Variants in PDZD2 observed in about 807,000 individuals in gnomAD.
PDZD2 encodes the protein PDZ domain containing 2.
A neutral mutation model predicts 220.7 loss-of-function variants in PDZD2; 90 were observed. The observed-to-expected ratio is 0.41, with a 90% CI of 0.34 to 0.49. PDZD2 has a LOEUF of 0.49. Among genes scored for constraint, PDZD2 ranks in the 20% least tolerant of loss-of-function variants. The probability of loss-of-function intolerance (pLI) is 0.28; values close to 1 mark genes in which losing one functional copy is unlikely to be tolerated. For synonymous variants in PDZD2, 1,375 were observed against 1,450.5 expected, an observed-to-expected ratio of 0.95 and a Z score of 1.18; for missense variants, 3,174 against 3,608.5, an observed-to-expected ratio of 0.88 and a Z score of 3.08.
intron 18 of PDZD2, among the ~76,000 whole-genome samples, chr5:32,075,102 G>A (rs151863): frequency 1.3e-5 from 2 of 152,136 alleles, no homozygotes; most frequent in South Asian, 2.1e-4. Flanking sequence ...GTGAGCCACC[G>A]CACCCAGCCT....
chr5:32,006,907 CTTTTTTTTTTTTTT>C (rs1173189592), intron 5 of PDZD2, among the ~76,000 whole-genome samples: 2 of 47,844 alleles, frequency 4.2e-5, no homozygotes, highest in East Asian at 7.9e-4. Context: ...CCATGCTGGT[CTTTTTTTTTTTTTT>C]TTTTTTTTTT....
chr5:32,039,491 A>G (rs2112235247), intron 7 of PDZD2, among the ~76,000 whole-genome samples: 1 of 152,262 alleles, frequency 6.6e-6, no homozygotes, highest in South Asian at 2.1e-4. Flanking sequence ...TTGGCCTCCC[A>G]AAGTGCTAAG....
At chr5:31,956,244 T>C (rs1747669382) in intron 2 of PDZD2, among the ~76,000 whole-genome samples, 1 of 152,196 alleles carries the variant, frequency 6.6e-6, no homozygotes, top group African/African-American at 2.4e-5. Flanking sequence ...CTGCTGCTTA[T>C]TTCTTTCTTC....
At chr5:31,662,851 T>G (rs144951341) in intron 1 of PDZD2, among the ~76,000 whole-genome samples, 6 of 152,252 alleles carry the variant, frequency 3.9e-5, no homozygotes, top group South Asian at 4.2e-4. Context: ...AGGATGGTCT[T>G]GATCTCCTGA....
At chr5:32,038,183 A>T (rs1165309971) in intron 7 of PDZD2, among the ~76,000 whole-genome samples, 18 of 9,760 alleles carry the variant, frequency 1.8e-3, no homozygotes, top group Middle Eastern at 0.071. Context: ...TTCCTCCATT[A>T]AAAAAAAAAA....
chr5:31,911,877 A>G (rs1361317839), intron 2 of PDZD2, among the ~76,000 whole-genome samples: 1 of 152,078 alleles, frequency 6.6e-6, no homozygotes, highest in African/African-American at 2.4e-5. Context: ...CGCCTCTGTC[A>G]CTCACACTGC....
rs1340513262 is a variant in PDZD2 at position 32,110,261 on chromosome 5, GCAAGTCTTTTTAATCCT to G, written c.*2129_*2145del. 1 of 152,760 alleles carries G rather than the reference GCAAGTCTTTTTAATCCT, an allele frequency of 6.5e-6. No individual in the cohort carries two copies. The highest frequency in any genetic ancestry group is 2.4e-5 in the African/African-American group (1 of 41,578). 9.5% of individuals were successfully genotyped at this position (152,760 alleles called of 1,614,324 possible). On this transcript the variant is annotated 3_prime_UTR_variant, in exon 25 of 25. Transcript: ENST00000438447. The stretch of plus-strand genomic sequence containing the variant: ...GGAGCAAATGGAATGGTCTCCTTCC[GCAAGTCTTTTTAATCCT>G]CATATCTGGAGTACAAGGGTAGACC...
rs1169923748 is a variant in PDZD2 at position 32,000,356 on chromosome 5, A to C, written c.1254+85A>C. The C allele has an allele frequency of 7.1e-7, 1 of 1,402,934 alleles. No individual in the cohort carries two copies. Among genetic ancestry groups the C allele is most frequent in the East Asian group, 2.3e-5 (1 of 43,790 alleles). 86.9% of individuals were successfully genotyped at this position (1,402,934 alleles called of 1,614,324 possible). ...CCCACCTCCCATGCCACACACACAC[A>C]CAAAGACATGTGTGCACTTGTACGT... On this transcript the variant is annotated intron_variant, in intron 5 of 24. Coordinates refer to ENST00000438447, the MANE Select transcript of PDZD2 (RefSeq NM_178140.4). The surrounding 1 kb of genome is among the most constrained non-coding windows in gnomAD (Gnocchi z 4.5).
At chr5:31,990,395 A>T (rs1305584737) in intron 3 of PDZD2, among the ~76,000 whole-genome samples, 1 of 152,230 alleles carries the variant, frequency 6.6e-6, no homozygotes. Flanking sequence ...AGTCCATAGC[A>T]TCCAGTTTTT....
At chr5:31,917,210 G>GA (rs1180350059) in intron 2 of PDZD2, among the ~76,000 whole-genome samples, 1 of 152,204 alleles carries the variant, frequency 6.6e-6, no homozygotes, top group Non-Finnish European at 1.5e-5. Flanking sequence ...ACTTGTCAGA[G>GA]AATATTGTAA....
rs1263612374 is a variant in PDZD2, at chr5:32,087,549, C to T, written c.4101C>T (p.Ile1367=). The T allele has an allele frequency of 6.2e-7, 1 of 1,613,782 alleles. No homozygotes were observed. Among genetic ancestry groups the T allele is most frequent in the Admixed American group, 1.7e-5 (1 of 59,974 alleles). The change falls in exon 20 of 25, where the codon ATC becomes ATT. Residue 1367 remains isoleucine, a synonymous_variant. Coordinates refer to ENST00000438447, the MANE Select transcript of PDZD2 (RefSeq NM_178140.4). This position sits in a 1 kb window ranked among gnomAD's most constrained non-coding sequence, Gnocchi z 4.0. ...NHSKALEMTG[I]HAPESSQEPS... is the part of the protein sequence containing the mutation. ...GTAAGGCTCTGGAAATGACAGGAAT[C>T]CATGCACCTGAAAGCTCCCAGGAGC...
chr5:32,077,346 G>A (rs1741391810), intron 18 of PDZD2, 116 bp from the exon 19 acceptor site: 2 of 989,232 alleles, frequency 2.0e-6, no homozygotes, highest in African/African-American at 1.6e-5. Flanking sequence ...CTGGCTCCTA[G>A]TCCAGGGCCC....
intron 6 of PDZD2, among the ~76,000 whole-genome samples, chr5:32,013,596 C>T (rs191215475): frequency 6.6e-6 from 1 of 152,106 alleles, no homozygotes; most frequent in Non-Finnish European, 1.5e-5. Context: ...GGAAGCTAAG[C>T]CTCTCGGCAG....
chr5:31,756,216 C>T (rs974033167), intron 1 of PDZD2, among the ~76,000 whole-genome samples: 3 of 152,114 alleles, frequency 2.0e-5, no homozygotes, highest in African/African-American at 4.8e-5. Context: ...CATGCACTCA[C>T]CTCTAACATA....
rs566871781 is a variant in PDZD2, at chr5:32,039,394, C to T, written c.1519+2052C>T. 3.1e-4 allele frequency among the ~76,000 whole-genome samples: 47 copies of T among 151,668 alleles called. 1 individual carries two copies. The highest frequency in any genetic ancestry group is 1.1e-3 in the African/African-American group (44 of 41,520). On this transcript the variant is annotated intron_variant, in intron 7 of 24. Coordinates refer to ENST00000438447, the MANE Select transcript of PDZD2 (RefSeq NM_178140.4). The stretch of plus-strand genomic sequence containing the variant: ...GGTGCTGGGATTGCAGACGGAGTCT[C>T]GCTCACTCAATGCTCAATGTTGCCC...
intron 7 of PDZD2, among the ~76,000 whole-genome samples, chr5:32,047,884 T>G (rs1248553723): frequency 1.3e-5 from 2 of 152,202 alleles, no homozygotes; most frequent in African/African-American, 4.8e-5. Flanking sequence ...ATGTGTTGTG[T>G]GTATTCATTG....
At chr5:31,688,934 T>G (rs573700481) in intron 1 of PDZD2, among the ~76,000 whole-genome samples, 2 of 152,232 alleles carry the variant, frequency 1.3e-5, no homozygotes, top group Admixed American at 1.3e-4. Context: ...ATCAAGGATG[T>G]TGCCCTGTAT....
chr5:32,007,830 C>T, intron 5 of PDZD2, among the ~76,000 whole-genome samples: 1 of 152,298 alleles, frequency 6.6e-6, no homozygotes, highest in South Asian at 2.1e-4. Context: ...TGGCCCCTGG[C>T]CCTCATGTGC....
chr5:32,065,428 C>G (rs2112361563), intron 14 of PDZD2, among the ~76,000 whole-genome samples: 1 of 152,336 alleles, frequency 6.6e-6, no homozygotes, highest in South Asian at 2.1e-4. Context: ...TGGTACACCA[C>G]TTTAAGAGTA....
Sources: gnomAD v4.1 joint callset for allele counts (sites outside exome capture counted in the v4.1 genomes callset) on GRCh38, gnomAD v4.1.1 for gene constraint, Gnocchi (gnomAD v3.1) non-coding constraint, MANE v1.5 for transcripts, NCBI Gene and HGNC (gene_info 2026-07-23, HGNC 2026-07-21) for gene names.